SHISA9: variants seen among roughly 807,000 people sequenced by gnomAD.
SHISA9 encodes the protein protein shisa-9.
Under a neutral mutation model 38.0 loss-of-function variants are expected in SHISA9, and 13 were observed. The ratio of observed to expected loss-of-function variants is 0.34; its 90% CI spans 0.22 to 0.54. The LOEUF (loss-of-function observed/expected upper bound fraction) is 0.54. Ranked by LOEUF, SHISA9 falls within the 20% of genes least tolerant of loss-of-function variation. The probability of loss-of-function intolerance (pLI) is 0.91; values close to 1 mark genes in which losing one functional copy is unlikely to be tolerated. For synonymous variants in SHISA9, 275 were observed against 242.0 expected (o/e 1.14, Z -1.27); for missense variants, 538 against 575.8 (o/e 0.93, Z 0.67).
chr16:13,268,820 T>G, the SHISA9 span, among the ~76,000 whole-genome samples: 1 of 152,210 alleles, frequency 6.6e-6, no homozygotes, highest in Non-Finnish European at 1.5e-5. Flanking sequence ...ACTAGCTTTG[T>G]GACATATTTA....
chr16:13,133,343 G>T (rs774138203), intron 2 of SHISA9, among the ~76,000 whole-genome samples: 1 of 152,124 alleles, frequency 6.6e-6, no homozygotes, highest in Non-Finnish European at 1.5e-5. Context: ...TTGCTCACAA[G>T]GAATGTCCAT....
At position 12,902,558 on chromosome 16, in the gene SHISA9, T is replaced by C. The variant is rs1381852304; in HGVS notation, c.494T>C (p.Val165Ala). 1.3e-6 allele frequency: 2 copies of C among 1,551,172 alleles called. No homozygotes were observed. The highest frequency in any genetic ancestry group is 1.7e-6 in the Non-Finnish European group (2 of 1,146,984). The change falls in exon 1 of 5, where the codon GTG becomes GCG. Residue 165 changes from valine to alanine, a missense_variant. Val to Ala is a moderately conservative substitution (Grantham distance 64). Transcript: ENST00000558583. ...ATCTGCGGGGTGGTGGCCGTCATGG[T>C]GCTCGTGGGCATCTTCACCAAGCTG... ...YIICGVVAVM[V>A]LVGIFTKLGL...
the SHISA9 span, among the ~76,000 whole-genome samples, chr16:13,562,378 C>T: frequency 6.6e-6 from 1 of 152,026 alleles, no homozygotes; most frequent in Non-Finnish European, 1.5e-5. Context: ...GCCTGTAATC[C>T]CAGCACTTTG....
intron 1 of SHISA9, among the ~76,000 whole-genome samples, chr16:12,907,268 G>A (rs1446287443): frequency 8.1e-6 from 1 of 123,690 alleles, no homozygotes; most frequent in African/African-American, 3.5e-5. Context: ...TCTTCCTTCT[G>A]TCTTCTTCCC....
chr16:13,559,198 A>G, the SHISA9 span, among the ~76,000 whole-genome samples: 2 of 152,174 alleles, frequency 1.3e-5, no homozygotes. Flanking sequence ...GTTTATTTAA[A>G]TTATTTGCAC....
chr16:13,071,654 T>A (rs971727987), intron 2 of SHISA9, among the ~76,000 whole-genome samples: 1 of 146,786 alleles, frequency 6.8e-6, no homozygotes, highest in Non-Finnish European at 1.5e-5. Flanking sequence ...TTCCTGTCTT[T>A]CCTTTTTGAC....
At chr16:13,187,328 C>CTTTTTTT (rs372286181) in intron 2 of SHISA9, among the ~76,000 whole-genome samples, 21 of 90,674 alleles carry the variant, frequency 2.3e-4, no homozygotes, top group East Asian at 1.3e-3. Flanking sequence ...CTTTTCTTTT[C>CTTTTTTT]TTTTTTTTTT....
chr16:13,430,178 A>G, the SHISA9 span, among the ~76,000 whole-genome samples: 1 of 152,216 alleles, frequency 6.6e-6, no homozygotes, highest in African/African-American at 2.4e-5. Flanking sequence ...GAACGGTGAG[A>G]AAACAAATTT....
the SHISA9 span, among the ~76,000 whole-genome samples, chr16:13,366,997 AAAAAG>A: frequency 6.4e-4 from 97 of 151,732 alleles, 1 homozygote; most frequent in African/African-American, 2.3e-3. Flanking sequence ...AAAAAAAAAA[AAAAAG>A]AAGAAGAATC....
At position 13,099,309 on chromosome 16, in the gene SHISA9, A is replaced by T. The variant is rs56667070; in HGVS notation, c.692-104085A>T. ...TGAACAACACACACACACATCTCTG[A>T]TGGGACTTTCCTGGAGCAGGAAGAC... On this transcript the variant is annotated intron_variant, in intron 2 of 4. Transcript: ENST00000558583. Among the ~76,000 whole-genome samples, 1,181 of 152,278 alleles carry T rather than the reference A, an allele frequency of 7.8e-3. 44 individuals carry two copies. Among genetic ancestry groups the T allele is most frequent in the Admixed American group, 0.06 (911 of 15,290 alleles).
the SHISA9 span, among the ~76,000 whole-genome samples, chr16:13,376,775 C>G: frequency 6.6e-6 from 1 of 152,154 alleles, no homozygotes; most frequent in African/African-American, 2.4e-5. Flanking sequence ...CTCACTGCAG[C>G]CTTGACCTCT....
At chr16:13,530,413 A>G in the SHISA9 span, among the ~76,000 whole-genome samples, 34 of 152,180 alleles carry the variant, frequency 2.2e-4, no homozygotes, top group Non-Finnish European at 3.8e-4. Context: ...TGAGATGATT[A>G]TAACTTCTGT....
chr16:13,208,805 C>T (rs982704357), intron 3 of SHISA9, among the ~76,000 whole-genome samples: 7 of 152,164 alleles, frequency 4.6e-5, no homozygotes, highest in African/African-American at 1.7e-4. Flanking sequence ...GAGGCATGAA[C>T]CAAATCTGTC....
the SHISA9 span, among the ~76,000 whole-genome samples, chr16:13,337,232 A>G: frequency 7.0e-3 from 1,064 of 152,210 alleles, 12 homozygotes; most frequent in African/African-American, 0.021. Flanking sequence ...CTTGTGTTGC[A>G]GGAGGGACCC....
the SHISA9 span, among the ~76,000 whole-genome samples, chr16:13,485,578 T>C: frequency 6.6e-6 from 1 of 152,180 alleles, no homozygotes; most frequent in Non-Finnish European, 1.5e-5. Flanking sequence ...CTGTATAAAA[T>C]GTGTAATTAT....
intron 2 of SHISA9, among the ~76,000 whole-genome samples, chr16:13,088,377 G>A (rs1355082307): frequency 2.0e-5 from 3 of 152,058 alleles, no homozygotes; most frequent in Non-Finnish European, 4.4e-5. Flanking sequence ...TGATGGGGAC[G>A]GCATTTAATC....
chr16:13,454,939 C>G, the SHISA9 span, among the ~76,000 whole-genome samples: 3 of 152,174 alleles, frequency 2.0e-5, no homozygotes, highest in African/African-American at 2.4e-5. Context: ...TCACCCCACT[C>G]TATTTAGTGG....
chr16:13,037,081 CA>C, intron 2 of SHISA9, among the ~76,000 whole-genome samples: 2 of 88,634 alleles, frequency 2.3e-5, no homozygotes, highest in African/African-American at 4.4e-5. Flanking sequence ...CACACACACA[CA>C]CCACACCACA....
At chr16:13,296,581 T>G in the SHISA9 span, among the ~76,000 whole-genome samples, 1 of 151,938 alleles carries the variant, frequency 6.6e-6, no homozygotes, top group African/African-American at 2.4e-5. Flanking sequence ...AAAATAACCC[T>G]TCACATACAT....
Sources: allele counts gnomAD v4.1 joint callset (sites outside exome capture counted in the v4.1 genomes callset), GRCh38; gene constraint gnomAD v4.1.1; transcripts MANE v1.5; gene names NCBI Gene and HGNC (gene_info 2026-07-23, HGNC 2026-07-21).